KIAA0825: variants seen among roughly 807,000 people sequenced by gnomAD.
KIAA0825 encodes the protein KIAA0825, also known as uncharacterized protein KIAA0825.
Under a neutral mutation model 147.6 loss-of-function variants are expected in KIAA0825, and 119 were observed. The ratio of observed to expected loss-of-function variants is 0.81; its 90% CI spans 0.69 to 0.94. The LOEUF is 0.94. Ranked by LOEUF, KIAA0825 falls within the 40% of genes least tolerant of loss-of-function variation. The pLI is 0.00. For missense variants in KIAA0825, 1,381 were observed against 1,472.7 expected (o/e 0.94, Z 1.02); for synonymous variants, 470 against 518.1 (o/e 0.91, Z 1.26).
intron 20 of KIAA0825, among the ~76,000 whole-genome samples, chr5:94,282,708 G>A (rs1777517750): frequency 6.6e-6 from 1 of 151,946 alleles, no homozygotes; most frequent in Admixed American, 6.6e-5. Flanking sequence ...TTTTCTGCTG[G>A]TTACTTAACA....
chr5:94,455,789 C>T (rs1249742098), intron 12 of KIAA0825, among the ~76,000 whole-genome samples: 1 of 152,026 alleles, frequency 6.6e-6, no homozygotes, highest in Non-Finnish European at 1.5e-5. Context: ...AGTACAGGGA[C>T]AAGGCCATCT....
At chr5:94,439,916 A>C in intron 14 of KIAA0825, 66 bp downstream of exon 14, 1 of 1,474,430 alleles carries the variant, frequency 6.8e-7, no homozygotes, top group Non-Finnish European at 9.1e-7. Context: ...CCTAGGAAAA[A>C]AATGTTATTC....
In KIAA0825 at chr5:94,520,599, C is replaced by T; in HGVS notation, c.619G>A (p.Glu207Lys). The change falls in exon 5 of 21, where the codon GAA becomes AAA. Residue 207 changes from glutamate to lysine, a missense_variant. Physicochemically the swap from Glu to Lys is moderately conservative, Grantham distance 56. Transcript: ENST00000682413. ...QQLLFLYPESEVIIKYQNIQN... is the reference protein window; with the variant it reads ...QQLLFLYPESKVIIKYQNIQN... ...ATGTTTTGGTATTTGATTATAACTT[C>T]TGATTCTGGATAAAGAAACAAGAGT... The T allele has an allele frequency of 6.2e-7, 1 of 1,613,366 alleles. No homozygotes were observed. Among genetic ancestry groups the T allele is most frequent in the Non-Finnish European group, 8.5e-7 (1 of 1,179,538 alleles).
chr5:94,236,108 A>G (rs1381621763), intron 20 of KIAA0825, among the ~76,000 whole-genome samples: 1 of 152,250 alleles, frequency 6.6e-6, no homozygotes, highest in Non-Finnish European at 1.5e-5. Flanking sequence ...TTTAAGAAAT[A>G]CATTTTGTAA....
At chr5:94,173,082 T>C (rs2149954388) in intron 20 of KIAA0825, among the ~76,000 whole-genome samples, 1 of 152,264 alleles carries the variant, frequency 6.6e-6, no homozygotes, top group East Asian at 1.9e-4. Flanking sequence ...ACTATTTTAA[T>C]TTATAAAAAT....
chr5:94,469,258 C>A (rs1485203927), intron 10 of KIAA0825, among the ~76,000 whole-genome samples: 2 of 151,856 alleles, frequency 1.3e-5, no homozygotes, highest in Admixed American at 6.6e-5. Flanking sequence ...GCAATCTACG[C>A]CTCCCGGGTT....
chr5:94,566,730 A>G (rs1485675818), intron 2 of KIAA0825, among the ~76,000 whole-genome samples: 1 of 152,086 alleles, frequency 6.6e-6, no homozygotes, highest in Non-Finnish European at 1.5e-5. Flanking sequence ...TATAGATTAT[A>G]ATATTTTTAA....
At chr5:94,289,594 A>G (rs1360518308) in intron 20 of KIAA0825, among the ~76,000 whole-genome samples, 1 of 152,026 alleles carries the variant, frequency 6.6e-6, no homozygotes, top group Non-Finnish European at 1.5e-5. Context: ...AAAAAATAAT[A>G]AGAACAACCA....
chr5:94,535,898 C>T (rs973367937), intron 3 of KIAA0825, among the ~76,000 whole-genome samples: 14 of 152,200 alleles, frequency 9.2e-5, no homozygotes, highest in African/African-American at 3.4e-4. Context: ...AGTCTTCCTA[C>T]CTGAGGACTA....
chr5:94,383,588 A>G (rs1748719989), intron 20 of KIAA0825, among the ~76,000 whole-genome samples: 3 of 152,324 alleles, frequency 2.0e-5, no homozygotes, highest in South Asian at 4.1e-4. Flanking sequence ...CATAAAATAT[A>G]TCTTATTTGA....
chr5:94,301,381 A>G (rs979932955), intron 20 of KIAA0825, among the ~76,000 whole-genome samples: 2 of 150,866 alleles, frequency 1.3e-5, no homozygotes, highest in Admixed American at 6.6e-5. Context: ...AAACCTAATA[A>G]ATAAATATAT....
At chr5:94,519,091 G>T in intron 5 of KIAA0825, 1 of 398,122 alleles carries the variant, frequency 2.5e-6, no homozygotes, top group Non-Finnish European at 3.4e-6. Context: ...AACTGACTTT[G>T]TATTTTGCCA....
At chr5:94,279,125 T>A (rs900159739) in intron 20 of KIAA0825, among the ~76,000 whole-genome samples, 9 of 152,092 alleles carry the variant, frequency 5.9e-5, no homozygotes, top group African/African-American at 2.2e-4. Flanking sequence ...AGTAACAGGC[T>A]GTAGGAAAAA....
chr5:94,284,432 T>G (rs1169186257), intron 20 of KIAA0825, among the ~76,000 whole-genome samples: 1 of 152,138 alleles, frequency 6.6e-6, no homozygotes, highest in Non-Finnish European at 1.5e-5. Context: ...ACAGCAGTCC[T>G]TCCATTCTAA....
chr5:94,187,130 A>C (rs1770187791), intron 20 of KIAA0825, among the ~76,000 whole-genome samples: 3 of 152,184 alleles, frequency 2.0e-5, no homozygotes, highest in Admixed American at 2.0e-4. Flanking sequence ...ACTGGGAACA[A>C]GGACGCTGCT....
chr5:94,304,003 C>T (rs1008862678), intron 20 of KIAA0825, among the ~76,000 whole-genome samples: 3 of 151,988 alleles, frequency 2.0e-5, no homozygotes, highest in African/African-American at 7.2e-5. Context: ...TTAGATCATG[C>T]CCAGAAGACA....
rs753994926 is a variant in KIAA0825, at chr5:94,403,787, G to A, written c.2669C>T (p.Thr890Met). 3.9e-6 allele frequency: 6 copies of A among 1,551,124 alleles called. No homozygotes were observed. The highest frequency in any genetic ancestry group is 1.2e-5 in the South Asian group (1 of 83,996). The change falls in exon 16 of 21, where the codon ACG (threonine) becomes ATG (methionine). Residue 890 changes from threonine to methionine, a missense_variant. Coordinates refer to ENST00000682413, the MANE Select transcript of KIAA0825 (RefSeq NM_001145678.3). ...GACCTCTAGCTCGTACTCCACGCAC[G>A]TTGAGACTTTAAAATCAGATGGCAT... ...WDFLYNIPVS[T>M]CVEYELEVIR...
intron 5 of KIAA0825, among the ~76,000 whole-genome samples, chr5:94,494,237 A>G (rs770603751): frequency 1.6e-4 from 24 of 150,006 alleles, no homozygotes; most frequent in Non-Finnish European, 4.4e-5. Flanking sequence ...ACCTGTCAGT[A>G]TTACATTAGC....
chr5:94,304,792 C>A (rs1383905716), intron 20 of KIAA0825, among the ~76,000 whole-genome samples: 2 of 152,006 alleles, frequency 1.3e-5, no homozygotes, highest in South Asian at 2.1e-4. Context: ...CCCCAGCCAT[C>A]ATTTGCTATG....
Sources: gnomAD v4.1 joint callset for allele counts (sites outside exome capture counted in the v4.1 genomes callset) on GRCh38, gnomAD v4.1.1 for gene constraint, MANE v1.5 for transcripts, NCBI Gene and HGNC (gene_info 2026-07-23, HGNC 2026-07-21) for gene names.